Variants in IPO11 observed in about 807,000 individuals in gnomAD.
The protein encoded by IPO11 is importin-11.
IPO11 carries 66 observed loss-of-function variants against 143.2 expected under a neutral mutation model. The observed-to-expected ratio is 0.46, with a 90% CI of 0.38 to 0.57. The LOEUF (loss-of-function observed/expected upper bound fraction) is 0.57, where lower values mean the gene tolerates loss of function less well. IPO11 is among the 20% of genes least tolerant of loss of function. IPO11 has a pLI of 0.00. For synonymous variants in IPO11, 385 were observed against 377.8 expected (o/e 1.02, Z -0.22); for missense variants, 1,026 against 1,141.0 (o/e 0.90, Z 1.45).
At chr5:62,418,844 C>T (rs964125688) in intron 1 of IPO11, 1 of 670,034 alleles carries the variant, frequency 1.5e-6, no homozygotes, top group Non-Finnish European at 2.4e-6. Flanking sequence ...AGTCCTTTGT[C>T]TCCTTATTCT....
chr5:62,418,798 C>T, intron 1 of IPO11: 1 of 461,354 alleles, frequency 2.2e-6, no homozygotes, highest in South Asian at 4.0e-5. Flanking sequence ...CTCCAAGTCT[C>T]TGTTAATATA....
In IPO11 at chr5:62,483,276, C is replaced by T. The variant is rs944126101; in HGVS notation, c.1004C>T (p.Pro335Leu). The change falls in exon 10 of 30, where the codon CCA becomes CTA. Residue 335 changes from proline to leucine, a missense_variant. Physicochemically the swap from Pro to Leu is moderately conservative, Grantham distance 98. Around this residue, in one of 5 missense-constraint regions of IPO11, gnomAD observed 429 missense variants for 456.3 expected, o/e 0.94. Transcript: ENST00000325324. ...ATTGTCAAAAATTATGCTTATAAGC[C>T]ATCCAAAAATTTTGAAGGTAATTCC... ...KMIVKNYAYK[P>L]SKNFEDSSPE... The T allele has an allele frequency of 1.3e-6, 2 of 1,560,704 alleles. No homozygotes were observed. Among genetic ancestry groups the T allele is most frequent in the Non-Finnish European group, 1.7e-6 (2 of 1,153,842 alleles).
rs775751213 is a variant in IPO11, at chr5:62,443,428, TGCGTGTGC to T, written c.239+347_239+354del. The T allele has an allele frequency of 4.9e-3, 814 of 165,592 alleles. 3 individuals are homozygous for T. Among genetic ancestry groups the T allele is most frequent in the Non-Finnish European group, 8.1e-3 (642 of 78,910 alleles). 10.3% of individuals were successfully genotyped at this position (165,592 alleles called of 1,614,324 possible). On this transcript the variant is annotated intron_variant, in intron 3 of 29. Coordinates refer to ENST00000325324, the MANE Select transcript of IPO11 (RefSeq NM_016338.5). Reference sequence around the variant, plus strand: ...GTGTGTGTGTGTGTGTGTGCGTGTGTGCGTGTGCGTGTGATGTTGGCCCTCTGCTTGCA... The same window carrying T: ...GTGTGTGTGTGTGTGTGTGCGTGTGTGTGTGATGTTGGCCCTCTGCTTGCA...
chr5:62,580,005 CAAT>C, intron 27 of IPO11: 1 of 1,551,212 alleles, frequency 6.4e-7, no homozygotes, highest in Non-Finnish European at 8.7e-7. Context: ...ATTTATCAAA[CAAT>C]AACATTTTGA....
At chr5:62,518,914 A>G (rs2112292608) in intron 20 of IPO11, among the ~76,000 whole-genome samples, 1 of 152,336 alleles carries the variant, frequency 6.6e-6, no homozygotes, top group Middle Eastern at 3.4e-3. Flanking sequence ...ATACAAATGA[A>G]TAGAATGGGA....
intron 20 of IPO11, among the ~76,000 whole-genome samples, chr5:62,517,370 T>C (rs1742059285): frequency 2.0e-5 from 3 of 152,192 alleles, no homozygotes; most frequent in Admixed American, 2.0e-4. Context: ...ACCCGAGATA[T>C]TTTGTATTAT....
At chr5:62,424,571 A>G (rs1743649443) in intron 1 of IPO11, among the ~76,000 whole-genome samples, 1 of 149,190 alleles carries the variant, frequency 6.7e-6, no homozygotes, top group African/African-American at 2.5e-5. Context: ...GCATGCCACC[A>G]CACCTGGCTA....
intron 27 of IPO11, among the ~76,000 whole-genome samples, chr5:62,574,571 G>A (rs1335720053): frequency 6.6e-6 from 1 of 152,092 alleles, no homozygotes; most frequent in African/African-American, 2.4e-5. Flanking sequence ...GGAAAGAGGA[G>A]ATATTTTGAA....
At chr5:62,429,878 C>G (rs1434039417) in intron 1 of IPO11, among the ~76,000 whole-genome samples, 1 of 152,138 alleles carries the variant, frequency 6.6e-6, no homozygotes, top group Non-Finnish European at 1.5e-5. Context: ...CTGCCTCAGC[C>G]TCCCGAAGTA....
At chr5:62,420,072 C>G (rs971001587) in intron 1 of IPO11, among the ~76,000 whole-genome samples, 1 of 151,920 alleles carries the variant, frequency 6.6e-6, no homozygotes, top group African/African-American at 2.4e-5. Context: ...GGGTGGATCA[C>G]GGGGTCAGGA....
chr5:62,513,282 C>G (rs1010051829), intron 19 of IPO11, among the ~76,000 whole-genome samples: 6 of 135,596 alleles, frequency 4.4e-5, no homozygotes, highest in African/African-American at 1.6e-4. Context: ...CCACCTCCCT[C>G]CCGGACGGGG....
chr5:62,567,178 A>T (rs983252333), intron 27 of IPO11, among the ~76,000 whole-genome samples: 5 of 152,098 alleles, frequency 3.3e-5, no homozygotes, highest in African/African-American at 1.2e-4. Context: ...TTTGAAGTAT[A>T]TTTCTGCTGG....
chr5:62,444,361 G>A (rs576122019), intron 3 of IPO11, among the ~76,000 whole-genome samples: 133 of 152,016 alleles, frequency 8.7e-4, no homozygotes, highest in African/African-American at 2.9e-3. Flanking sequence ...CAAAGTGCTG[G>A]GATTGCAGGT....
At chr5:62,496,171 C>G (rs891750167) in intron 16 of IPO11, among the ~76,000 whole-genome samples, 4 of 151,922 alleles carry the variant, frequency 2.6e-5, no homozygotes, top group African/African-American at 4.8e-5. Flanking sequence ...GCCTGTAGTC[C>G]CAGTTACTTG....
chr5:62,525,631 G>T (rs1004481623), intron 20 of IPO11, among the ~76,000 whole-genome samples: 5 of 152,272 alleles, frequency 3.3e-5, no homozygotes, highest in African/African-American at 1.2e-4. Context: ...CAGTCCTCCC[G>T]CCTTGGCCTC....
intron 26 of IPO11, among the ~76,000 whole-genome samples, chr5:62,555,643 A>G (rs1743551101): frequency 6.6e-6 from 1 of 151,870 alleles, no homozygotes; most frequent in Non-Finnish European, 1.5e-5. Flanking sequence ...AGCTGCGACT[A>G]CAGGTGCCTG....
chr5:62,428,177 ATTG>A (rs1229743104), intron 1 of IPO11, among the ~76,000 whole-genome samples: 3 of 151,750 alleles, frequency 2.0e-5, no homozygotes, highest in African/African-American at 7.3e-5. Context: ...GTTAACATCA[ATTG>A]TTGTTGAAAC....
At chr5:62,425,648 G>A (rs187886800) in intron 1 of IPO11, among the ~76,000 whole-genome samples, 1 of 152,330 alleles carries the variant, frequency 6.6e-6, no homozygotes, top group East Asian at 1.9e-4. Context: ...CTTTAGGAAT[G>A]ATAGAAACAA....
chr5:62,568,574 C>CAAAAAA (rs66748975), intron 27 of IPO11, among the ~76,000 whole-genome samples: 5,251 of 51,168 alleles, frequency 0.1, 501 homozygotes, highest in East Asian at 0.13. Context: ...ACTCTGTCTC[C>CAAAAAA]AAAAAAAAAA....
Sources: gnomAD v4.1 joint callset for allele counts (sites outside exome capture counted in the v4.1 genomes callset) on GRCh38, gnomAD v4.1.1 for gene constraint, gnomAD v4.1.1 regional missense constraint, MANE v1.5 for transcripts, NCBI Gene and HGNC (gene_info 2026-07-23, HGNC 2026-07-21) for gene names.